PTPRA: variants seen among roughly 807,000 people sequenced by gnomAD.
PTPRA encodes receptor-type tyrosine-protein phosphatase alpha.
PTPRA carries 25 observed loss-of-function variants against 104.8 expected under a neutral mutation model. That is an observed-to-expected ratio of 0.24 (90% CI 0.17 to 0.33). The LOEUF (loss-of-function observed/expected upper bound fraction) is 0.33. Ranked by LOEUF, PTPRA falls within the 10% of genes least tolerant of loss-of-function variation. PTPRA has a pLI of 1.00. For missense variants in PTPRA, 765 were observed against 1,015.3 expected (o/e 0.75, Z 3.35); for synonymous variants, 323 against 368.9 (o/e 0.88, Z 1.43).
chr20:2,888,337 A>G (rs935657889), intron 1 of PTPRA, among the ~76,000 whole-genome samples: 2 of 152,108 alleles, frequency 1.3e-5, no homozygotes, highest in African/African-American at 4.8e-5. Flanking sequence ...ACATGGGAGG[A>G]TCACTTGAGC....
intron 2 of PTPRA, among the ~76,000 whole-genome samples, chr20:2,941,755 G>A (rs2060931286): frequency 6.6e-6 from 1 of 152,078 alleles, no homozygotes; most frequent in South Asian, 2.1e-4. Context: ...CCCTGCTCCT[G>A]CCCTTTCTGA....
intron 11 of PTPRA, among the ~76,000 whole-genome samples, chr20:3,012,354 G>C (rs2064215356): frequency 6.6e-6 from 1 of 152,224 alleles, no homozygotes; most frequent in Non-Finnish European, 1.5e-5. Flanking sequence ...GCGACAAAGT[G>C]AAAACTACGT....
chr20:2,871,026 G>C (rs909185811), upstream of PTPRA, among the ~76,000 whole-genome samples: 1 of 152,176 alleles, frequency 6.6e-6, no homozygotes, highest in Non-Finnish European at 1.5e-5. Context: ...GGTCTCTACA[G>C]GCAGGCAGCT....
At chr20:2,926,740 CTTCT>C (rs1305462357) in intron 2 of PTPRA, among the ~76,000 whole-genome samples, 1 of 139,774 alleles carries the variant, frequency 7.2e-6, no homozygotes, top group Non-Finnish European at 1.6e-5. Flanking sequence ...GCACTCTTTC[CTTCT>C]TTCTTCCTTT....
At chr20:2,917,974 A>G (rs1294457818) in intron 1 of PTPRA, among the ~76,000 whole-genome samples, 2 of 151,750 alleles carry the variant, frequency 1.3e-5, no homozygotes, top group African/African-American at 4.8e-5. Flanking sequence ...CTGTAATCCC[A>G]GCTACTCTGG....
rs2090451279 is a variant in PTPRA, at chr20:2,887,488, A to G, written c.-129+13728A>G. ...GGAGTGGTGATAGGGATGGAGATACATGGACAAGTATGATTTAAGCAGTAG... is the reference window on the plus strand; with the variant it reads ...GGAGTGGTGATAGGGATGGAGATACGTGGACAAGTATGATTTAAGCAGTAG... On this transcript the variant is annotated intron_variant, in intron 1 of 23. Coordinates refer to ENST00000399903, the MANE Select transcript of PTPRA (RefSeq NM_001385305.1). Among the ~76,000 whole-genome samples the G allele has an allele frequency of 3.9e-5, 6 of 152,266 alleles. No individual in the cohort carries two copies. The South Asian group carries it at 1.2e-3, about 32-fold the overall frequency.
At chr20:2,895,916 A>G (rs965715509) in intron 1 of PTPRA, among the ~76,000 whole-genome samples, 3 of 151,848 alleles carry the variant, frequency 2.0e-5, no homozygotes, top group Admixed American at 2.0e-4. Context: ...CAAATTACCG[A>G]TATTTTGGTT....
chr20:3,020,376 G>A (rs2064803765), intron 13 of PTPRA, among the ~76,000 whole-genome samples: 1 of 151,992 alleles, frequency 6.6e-6, no homozygotes, highest in Non-Finnish European at 1.5e-5. Flanking sequence ...GGGATTATAG[G>A]CGTGAGCCAC....
chr20:3,007,609 C>T (rs866834673), intron 11 of PTPRA, among the ~76,000 whole-genome samples, 189 bp downstream of exon 11: 2 of 151,844 alleles, frequency 1.3e-5, no homozygotes, highest in South Asian at 4.2e-4. Context: ...CTATATTTAC[C>T]CTGTCGTCAT....
chr20:2,919,002 A>AGTGTCTG (rs2060008698), intron 1 of PTPRA, among the ~76,000 whole-genome samples: 2 of 152,338 alleles, frequency 1.3e-5, no homozygotes, highest in Admixed American at 1.3e-4. Context: ...AATTTGATAC[A>AGTGTCTG]GTGTCTGACA....
At chr20:2,936,139 A>T (rs564353834) in intron 2 of PTPRA, among the ~76,000 whole-genome samples, 4 of 151,938 alleles carry the variant, frequency 2.6e-5, no homozygotes, top group Non-Finnish European at 5.9e-5. Context: ...CATTATAGCC[A>T]TGAGCCCCTG....
chr20:2,925,284 G>A (rs2060253697), intron 2 of PTPRA, among the ~76,000 whole-genome samples: 1 of 152,076 alleles, frequency 6.6e-6, no homozygotes, highest in Non-Finnish European at 1.5e-5. Flanking sequence ...AATCATATTT[G>A]TCATTTGACA....
chr20:3,012,951 C>T (rs1471795267), intron 11 of PTPRA, among the ~76,000 whole-genome samples: 3 of 152,014 alleles, frequency 2.0e-5, no homozygotes, highest in African/African-American at 7.2e-5. Context: ...ATTCAAATAC[C>T]ATGTATTTCA....
intron 1 of PTPRA, among the ~76,000 whole-genome samples, chr20:2,885,901 T>C (rs1342477568): frequency 1.3e-5 from 2 of 151,622 alleles, no homozygotes; most frequent in Non-Finnish European, 2.9e-5. Context: ...CCGTCTCTAC[T>C]AAAAATACAA....
At chr20:2,963,316 T>C (rs1161662589) in intron 3 of PTPRA, among the ~76,000 whole-genome samples, 1 of 152,114 alleles carries the variant, frequency 6.6e-6, no homozygotes, top group Non-Finnish European at 1.5e-5. Context: ...AAAAAAGTTT[T>C]TTGGTCCAGA....
rs138487301 is a variant in PTPRA, at chr20:2,904,214, A to G, written c.-128-18993A>G. Among the ~76,000 whole-genome samples the G allele has an allele frequency of 2.5e-3, 376 of 152,244 alleles. 2 individuals are homozygous for G. In the South Asian group the frequency reaches 0.026, roughly 11 times the overall value. On this transcript the variant is annotated intron_variant, in intron 1 of 23. Coordinates refer to ENST00000399903, the MANE Select transcript of PTPRA (RefSeq NM_001385305.1). ...AGTTATGAGCCATGGCGCCCAGTCT[A>G]TGTATTCTTACAAAATTAAATTCAT... is the stretch of plus-strand genomic sequence containing the variant.
At chr20:2,959,538 C>A (rs1203588852) in intron 3 of PTPRA, among the ~76,000 whole-genome samples, 1 of 152,170 alleles carries the variant, frequency 6.6e-6, no homozygotes, top group East Asian at 1.9e-4. Context: ...TTATTTATGA[C>A]AGTTCATTTT....
At chr20:2,979,651 C>T (rs527732046) in intron 6 of PTPRA, among the ~76,000 whole-genome samples, 2 of 152,238 alleles carry the variant, frequency 1.3e-5, no homozygotes, top group East Asian at 3.9e-4. Context: ...CTCAGCCTCC[C>T]GGGTAGCTGG....
At chr20:2,866,305 C>T in the PTPRA span, 3 of 1,613,988 alleles carry the variant, frequency 1.9e-6, no homozygotes, top group Non-Finnish European at 1.7e-6. Context: ...CAAGGCTTTG[C>T]TTCTTGTTGG....
Sources: gnomAD v4.1 joint callset for allele counts (sites outside exome capture counted in the v4.1 genomes callset) on GRCh38, gnomAD v4.1.1 for gene constraint, MANE v1.5 for transcripts, NCBI Gene and HGNC (gene_info 2026-07-23, HGNC 2026-07-21) for gene names.